The following OR6C70 variants were observed in gnomAD, a reference collection of about 807,000 sequenced individuals.
OR6C70 encodes olfactory receptor family 6 subfamily C member 70, also known as olfactory receptor 6C70.
For synonymous variants in OR6C70, 157 were observed against 130.8 expected, an observed-to-expected ratio of 1.20 and a Z score of -1.36; for missense variants, 437 against 357.5, an observed-to-expected ratio of 1.22 and a Z score of -1.79.
rs749000942 is a variant in OR6C70 at position 55,469,323 on chromosome 12, T to G, written c.816A>C (p.Val272=). 2.4e-5 allele frequency: 39 copies of G among 1,613,526 alleles called. No homozygotes were observed. The highest frequency in any genetic ancestry group is 3.1e-5 in the Non-Finnish European group (37 of 1,179,680). The change falls in exon 1 of 1, where the codon GTA becomes GTC. Residue 272 remains valine (V), a synonymous_variant. Transcript: ENST00000327335. ...ANERVALSKG[V]TVLNTSVAPL... is the part of the protein sequence containing the mutation. The stretch of plus-strand genomic sequence containing the variant: ...GGGCAACTGAAGTATTGAGCACAGT[T>G]ACTCCTTTGCTTAAAGCAACTCTTT...
Position 55,469,544 on chromosome 12 carries a change from A to C in OR6C70, c.595T>G (p.Leu199Val). ...ACAATAAGTGTCATCACAGCTAATA[A>C]AAAGGCAATCAGTTCCAGTAAATGT... ...DTHLLELIAF[L>V]LAVMTLIVTL... Residue 199 changes from leucine (L) to valine (V), a missense_variant, in exon 1 of 1, where the codon TTA becomes GTA. Coordinates refer to ENST00000327335, the MANE Select transcript of OR6C70 (RefSeq NM_001005499.1). 1 of 1,613,718 alleles carries C rather than the reference A, an allele frequency of 6.2e-7. No individual in the cohort carries two copies. Among genetic ancestry groups the C allele is most frequent in the South Asian group, 1.1e-5 (1 of 91,052 alleles).
chr12:55,469,831 A>G lies in OR6C70; in HGVS notation c.308T>C (p.Ile103Thr), dbSNP rs199748731. 35 of 1,614,188 alleles carry G rather than the reference A, an allele frequency of 2.2e-5. No individual in the cohort carries two copies. The East Asian group carries it at 2.9e-4, about 13-fold the overall frequency. ...NGCISQLFFY[I>T]FLGVTEFFLL... Reference sequence around the variant, plus strand: ...GAAAAATTCTGTAACCCCCAAGAATATGTAAAAAAACAACTGAGATATGCA... The same window carrying G: ...GAAAAATTCTGTAACCCCCAAGAATGTGTAAAAAAACAACTGAGATATGCA... The change falls in exon 1 of 1, where the codon ATA becomes ACA. Residue 103 changes from isoleucine to threonine, a missense_variant. Transcript: ENST00000327335.
In OR6C70 at chr12:55,470,031, G is replaced by A. The variant is rs1260793406; in HGVS notation, c.108C>T (p.Ser36=). ...CAATGATAGTGAAGTTCCCTATCAT[G>A]CTCAACACACAATTTAGAAGTAGAA... The part of the protein sequence containing the change: ...FLFLLLNCVL[S]MIGNFTIIAL... The change falls in exon 1 of 1, where the codon AGC becomes AGT. Residue 36 remains serine (S), a synonymous_variant. Coordinates refer to ENST00000327335, the MANE Select transcript of OR6C70 (RefSeq NM_001005499.1). 3.1e-6 allele frequency: 5 copies of A among 1,612,578 alleles called. No individual in the cohort carries two copies. The African/African-American group carries it at 4.0e-5, about 13-fold the overall frequency.
chr12:55,469,509 A>G lies in OR6C70; in HGVS notation c.630T>C (p.Phe210=). 1.2e-6 allele frequency: 2 copies of G among 1,614,052 alleles called. No individual in the cohort carries two copies. Among genetic ancestry groups the G allele is most frequent in the Non-Finnish European group, 1.7e-6 (2 of 1,179,940 alleles). ...TGTAAGAGTAAGAAAGGATTACTAAAAACAATGTGACAATAAGTGTCATCA... is the reference window on the plus strand; with the variant it reads ...TGTAAGAGTAAGAAAGGATTACTAAGAACAATGTGACAATAAGTGTCATCA... ...LAVMTLIVTL[F]LVILSYSYII... The change falls in exon 1 of 1, where the codon TTT becomes TTC. Residue 210 remains phenylalanine, a synonymous_variant. Coordinates refer to ENST00000327335, the MANE Select transcript of OR6C70 (RefSeq NM_001005499.1).
In OR6C70 at chr12:55,469,843, A is replaced by T. The variant is rs1183454378; in HGVS notation, c.296T>A (p.Leu99Ter). The T allele has an allele frequency of 6.2e-7, 1 of 1,614,176 alleles. No individual in the cohort carries two copies. The highest frequency in any genetic ancestry group is 8.5e-7 in the Non-Finnish European group (1 of 1,180,016). Residue 99 changes from leucine to a stop codon, truncating the protein, a stop_gained, in exon 1 of 1, where the codon TTG (leucine) becomes TAG (stop). Transcript: ENST00000327335. LOFTEE classifies it low-confidence loss of function (END_TRUNC). ...TISCNGCISQ[L>*]FFYIFLGVTE... is the part of the protein sequence containing the mutation. Reference sequence around the variant, plus strand: ...AACCCCCAAGAATATGTAAAAAAACAACTGAGATATGCAACCATTACAGGA... The same window carrying T: ...AACCCCCAAGAATATGTAAAAAAACTACTGAGATATGCAACCATTACAGGA...
Position 55,469,285 on chromosome 12 carries a change from G to T in OR6C70, c.854C>A (p.Pro285Gln). ...CTGATTCCTCAGAGTATAAATAAAT[G>T]GGTTTAACAACGGGGCAACTGAAGT... ...LNTSVAPLLN[P>Q]FIYTLRNQQV... The change falls in exon 1 of 1, where the codon CCA (proline) becomes CAA (glutamine). Residue 285 changes from proline (P) to glutamine (Q), a missense_variant. Transcript: ENST00000327335. 1 of 1,613,574 alleles carries T rather than the reference G, an allele frequency of 6.2e-7. No homozygotes were observed.
Position 55,469,478 on chromosome 12 carries a change from T to C in OR6C70, c.661A>G (p.Lys221Glu). The change falls in exon 1 of 1, where the codon AAG becomes GAG. Residue 221 changes from lysine to glutamate, a missense_variant. Coordinates refer to ENST00000327335, the MANE Select transcript of OR6C70 (RefSeq NM_001005499.1). ...LVILSYSYII[K>E]TILKFPSAQQ... ...GCTGAAGGGAATTTCAGAATTGTCTTGATGATGTAAGAGTAAGAAAGGATT... is the reference window on the plus strand; with the variant it reads ...GCTGAAGGGAATTTCAGAATTGTCTCGATGATGTAAGAGTAAGAAAGGATT... 6.2e-7 allele frequency: 1 copy of C among 1,614,044 alleles called. No homozygotes were observed. The highest frequency in any genetic ancestry group is 1.1e-5 in the South Asian group (1 of 91,062).
chr12:55,469,442 T>C lies in OR6C70; in HGVS notation c.697A>G (p.Lys233Glu). ...GAAGAGCAGGTGGAAAAGGCTTTCT[T>C]CTTTTGCTGAGCTGAAGGGAATTTC... ...ILKFPSAQQKKKAFSTCSSHM... is the reference protein window; with the variant it reads ...ILKFPSAQQKEKAFSTCSSHM... The change falls in exon 1 of 1, where the codon AAG becomes GAG. Residue 233 changes from lysine to glutamate, a missense_variant. Coordinates refer to ENST00000327335, the MANE Select transcript of OR6C70 (RefSeq NM_001005499.1). 6.2e-7 allele frequency: 1 copy of C among 1,613,910 alleles called. No homozygotes were observed. The highest frequency in any genetic ancestry group is 1.1e-5 in the South Asian group (1 of 91,056).
In OR6C70 at chr12:55,470,039, C is replaced by T; in HGVS notation, c.100G>A (p.Val34Met). 1 of 1,613,718 alleles carries T rather than the reference C, an allele frequency of 6.2e-7. No individual in the cohort carries two copies. The highest frequency in any genetic ancestry group is 8.5e-7 in the Non-Finnish European group (1 of 1,179,634). Reference protein sequence around the residue: ...VIFLFLLLNCVLSMIGNFTII... With the variant: ...VIFLFLLLNCMLSMIGNFTII... ...GTGAAGTTCCCTATCATGCTCAACA[C>T]ACAATTTAGAAGTAGAAATAAGAAA... Residue 34 changes from valine (V) to methionine (M), a missense_variant, in exon 1 of 1, where the codon GTG (valine) becomes ATG (methionine). By Grantham distance (21) the Val-to-Met change is conservative. Coordinates refer to ENST00000327335, the MANE Select transcript of OR6C70 (RefSeq NM_001005499.1).
chr12:55,469,712 C>T lies in OR6C70; in HGVS notation c.427G>A (p.Val143Ile), dbSNP rs1375876027. 1 of 1,613,980 alleles carries T rather than the reference C, an allele frequency of 6.2e-7. No homozygotes were observed. Among genetic ancestry groups the T allele is most frequent in the African/African-American group, 1.3e-5 (1 of 75,026 alleles). The change falls in exon 1 of 1, where the codon GTA (valine) becomes ATA (isoleucine). Residue 143 changes from valine (V) to isoleucine (I), a missense_variant. By Grantham distance (29) the Val-to-Ile change is conservative (BLOSUM62 3). Transcript: ENST00000327335. ...AATCCAGTTACCCAAGAACTGAATA[C>T]AAGCTGGTAGCAAACTTTGTTACTC... ...IMSNKVCYQL[V>I]FSSWVTGFLI...
chr12:55,469,656 A>T lies in OR6C70; in HGVS notation c.483T>A (p.Gly161=). The T allele has an allele frequency of 6.2e-7, 1 of 1,613,868 alleles. No individual in the cohort carries two copies. Among genetic ancestry groups the T allele is most frequent in the Non-Finnish European group, 8.5e-7 (1 of 1,179,762 alleles). The part of the protein sequence containing the change: ...FLIIFTPLIL[G]LNLDFCASNI... ...TTGAAGCACAGAAATCCAAGTTAAGACCTAAAATCAGTGGAGTGAAAATGA... is the reference window on the plus strand; with the variant it reads ...TTGAAGCACAGAAATCCAAGTTAAGTCCTAAAATCAGTGGAGTGAAAATGA... Residue 161 remains glycine (G), a synonymous_variant, in exon 1 of 1, where the codon GGT becomes GGA. Transcript: ENST00000327335.
chr12:55,469,429 G>A lies in OR6C70; in HGVS notation c.710C>T (p.Ser237Phe). ...AACAATCATGTGAGAAGAGCAGGTG[G>A]AAAAGGCTTTCTTCTTTTGCTGAGC... is the stretch of plus-strand genomic sequence containing the variant. ...PSAQQKKKAF[S>F]TCSSHMIVVS... Residue 237 changes from serine to phenylalanine, a missense_variant, in exon 1 of 1, where the codon TCC becomes TTC. Ser to Phe is a radical substitution (Grantham distance 155). Coordinates refer to ENST00000327335, the MANE Select transcript of OR6C70 (RefSeq NM_001005499.1). 1 of 1,613,700 alleles carries A rather than the reference G, an allele frequency of 6.2e-7. No homozygotes were observed. Among genetic ancestry groups the A allele is most frequent in the Non-Finnish European group, 8.5e-7 (1 of 1,179,624 alleles).
rs751665007 is a variant in OR6C70, at chr12:55,469,361, G to A, written c.778C>T (p.Pro260Ser). The A allele has an allele frequency of 2.0e-5, 32 of 1,613,878 alleles. 1 individual carries two copies. The highest frequency in any genetic ancestry group is 2.6e-5 in the Non-Finnish European group (31 of 1,179,894). The change falls in exon 1 of 1, where the codon CCA becomes TCA. Residue 260 changes from proline to serine, a missense_variant. By Grantham distance (74) the Pro-to-Ser change is moderately conservative. Coordinates refer to ENST00000327335, the MANE Select transcript of OR6C70 (RefSeq NM_001005499.1). ...AAAGCAACTCTTTCATTCGCTGATG[G>A]CTTTATGTAGATAAACATACAACTA... ...YGSCMFIYIK[P>S]SANERVALSK...
Position 55,469,206 on chromosome 12 carries a change from G to T in OR6C70, c.933C>A (p.Asp311Glu). Residue 311 changes from aspartate to glutamate, a missense_variant, in exon 1 of 1, where the codon GAC becomes GAA. Asp to Glu is a conservative substitution (Grantham distance 45). Coordinates refer to ENST00000327335, the MANE Select transcript of OR6C70 (RefSeq NM_001005499.1). ...ATTATTTCAACAAGTTGTATTACTT[G>T]TCTGAAGCAGAAAATATCTTTCTAA... ...AVFRKIFSAS[D>E]K The T allele has an allele frequency of 6.3e-7, 1 of 1,583,060 alleles. No individual in the cohort carries two copies. The highest frequency in any genetic ancestry group is 8.6e-7 in the Non-Finnish European group (1 of 1,157,952).
In OR6C70 at chr12:55,469,752, A is replaced by G; in HGVS notation, c.387T>C (p.Arg129=). The G allele has an allele frequency of 6.2e-7, 1 of 1,614,110 alleles. No individual in the cohort carries two copies. The highest frequency in any genetic ancestry group is 8.5e-7 in the Non-Finnish European group (1 of 1,179,970). ...DRYVAICKPL[R]YMSIMSNKVC... ...CTTTGTTACTCATGATGGACATATA[A>G]CGCAAAGGTTTGCAGATGGCAACAT... The change falls in exon 1 of 1, where the codon CGT becomes CGC. Residue 129 remains arginine, a synonymous_variant. Coordinates refer to ENST00000327335, the MANE Select transcript of OR6C70 (RefSeq NM_001005499.1).
chr12:55,469,776 A>C lies in OR6C70; in HGVS notation c.363T>G (p.Tyr121Ter). The C allele has an allele frequency of 6.2e-7, 1 of 1,614,146 alleles. No individual in the cohort carries two copies. Among genetic ancestry groups the C allele is most frequent in the Non-Finnish European group, 8.5e-7 (1 of 1,179,982 alleles). The change falls in exon 1 of 1, where the codon TAT becomes TAG. Residue 121 changes from tyrosine to a stop codon, truncating the protein, a stop_gained. Transcript: ENST00000327335. LOFTEE classifies it low-confidence loss of function (END_TRUNC). ...FLLAALSYDR[Y>*]VAICKPLRYM... ...AACGCAAAGGTTTGCAGATGGCAAC[A>C]TAGCGATCATAGGACAGAGCAGCTA...
rs1278886140 is a variant in OR6C70 at position 55,469,309 on chromosome 12, G to T, written c.830C>A (p.Thr277Asn). ...ALSKGVTVLN[T>N]SVAPLLNPFI... ...TGGGTTTAACAACGGGGCAACTGAA[G>T]TATTGAGCACAGTTACTCCTTTGCT... The change falls in exon 1 of 1, where the codon ACT becomes AAT. Residue 277 changes from threonine to asparagine, a missense_variant. Thr to Asn is a moderately conservative substitution (Grantham distance 65). Coordinates refer to ENST00000327335, the MANE Select transcript of OR6C70 (RefSeq NM_001005499.1). The T allele has an allele frequency of 6.2e-7, 1 of 1,613,478 alleles. No individual in the cohort carries two copies. Among genetic ancestry groups the T allele is most frequent in the Non-Finnish European group, 8.5e-7 (1 of 1,179,698 alleles).
rs1187739288 is a variant in OR6C70 at position 55,469,278 on chromosome 12, A to C, written c.861T>G (p.Ile287Met). 3 of 1,613,742 alleles carry C rather than the reference A, an allele frequency of 1.9e-6. No individual in the cohort carries two copies. Among genetic ancestry groups the C allele is most frequent in the Non-Finnish European group, 1.7e-6 (2 of 1,179,856 alleles). ...TAACTTGCTGATTCCTCAGAGTATA[A>C]ATAAATGGGTTTAACAACGGGGCAA... ...TSVAPLLNPF[I>M]YTLRNQQVKQ... The change falls in exon 1 of 1, where the codon ATT becomes ATG. Residue 287 changes from isoleucine (I) to methionine (M), a missense_variant. Physicochemically the swap from Ile to Met is conservative, Grantham distance 10 (BLOSUM62 1). Coordinates refer to ENST00000327335, the MANE Select transcript of OR6C70 (RefSeq NM_001005499.1).
Position 55,470,048 on chromosome 12 carries a change from G to C in OR6C70, c.91C>G (p.Leu31Val), listed in dbSNP as rs777523851. ...LQIVIFLFLL[L>V]NCVLSMIGNF... ...CCTATCATGCTCAACACACAATTTA[G>C]AAGTAGAAATAAGAAAATTACAATC... The change falls in exon 1 of 1, where the codon CTA (leucine) becomes GTA (valine). Residue 31 changes from leucine to valine, a missense_variant. By Grantham distance (32) the Leu-to-Val change is conservative. Transcript: ENST00000327335. 1 of 1,613,390 alleles carries C rather than the reference G, an allele frequency of 6.2e-7. No individual in the cohort carries two copies. Among genetic ancestry groups the C allele is most frequent in the African/African-American group, 1.3e-5 (1 of 74,912 alleles).
Sources: allele counts gnomAD v4.1 joint callset, GRCh38; gene constraint gnomAD v4.1.1; transcripts MANE v1.5; gene names NCBI Gene and HGNC (gene_info 2026-07-23, HGNC 2026-07-21).